The following PHKB variants were observed in gnomAD, a reference collection of about 807,000 sequenced individuals.
PHKB encodes phosphorylase b kinase regulatory subunit beta.
Under a neutral mutation model 152.1 loss-of-function variants are expected in PHKB, and 122 were observed. The ratio of observed to expected loss-of-function variants is 0.80; its 90% CI spans 0.69 to 0.93. The LOEUF is 0.93. Among genes scored for constraint, PHKB ranks in the 40% least tolerant of loss-of-function variants. The probability of loss-of-function intolerance (pLI) is 0.00; values close to 1 mark genes in which losing one functional copy is unlikely to be tolerated. For synonymous variants in PHKB, 436 were observed against 464.9 expected, an observed-to-expected ratio of 0.94 and a Z score of 0.80; for missense variants, 1,304 against 1,328.4, an observed-to-expected ratio of 0.98 and a Z score of 0.29.
At chr16:47,544,695 G>A (rs1010377121) in intron 6 of PHKB, among the ~76,000 whole-genome samples, 3 of 152,120 alleles carry the variant, frequency 2.0e-5, no homozygotes, top group Non-Finnish European at 4.4e-5. Context: ...GGGTGTTAAA[G>A]TCTCCCATTA....
At chr16:47,534,466 G>C (rs562862569) in intron 6 of PHKB, among the ~76,000 whole-genome samples, 27 of 152,268 alleles carry the variant, frequency 1.8e-4, no homozygotes, top group African/African-American at 6.5e-4. Flanking sequence ...TTGCAGCACT[G>C]TTGCATTAAA....
chr16:47,495,420 A>G (rs567763099), intron 1 of PHKB, among the ~76,000 whole-genome samples: 2 of 152,282 alleles, frequency 1.3e-5, no homozygotes, highest in African/African-American at 4.8e-5. Context: ...ATGGAATTAT[A>G]TACTCAGCTC....
intron 7 of PHKB, among the ~76,000 whole-genome samples, chr16:47,563,706 C>T (rs1465911346): frequency 1.3e-5 from 2 of 152,032 alleles, no homozygotes; most frequent in Non-Finnish European, 2.9e-5. Context: ...TTTTTGGTTA[C>T]ATGGATGAAT....
intron 6 of PHKB, among the ~76,000 whole-genome samples, chr16:47,546,622 A>G (rs1971170889): frequency 6.6e-6 from 1 of 152,192 alleles, no homozygotes; most frequent in Non-Finnish European, 1.5e-5. Flanking sequence ...GTGCTGGGAG[A>G]ACCACTGCCC....
Position 47,660,853 on chromosome 16 carries a change from T to C in PHKB, c.2196+34T>C, listed in dbSNP as rs565027314. 12 of 1,609,224 alleles carry C rather than the reference T, an allele frequency of 7.5e-6. No individual in the cohort carries two copies. The African/African-American group carries it at 1.6e-4, about 21-fold the overall frequency. The stretch of plus-strand genomic sequence containing the variant: ...GATGCACTTCCCACATGGCCCTAAG[T>C]GAGGTTGCTGGAGCAGAAGCTCCCA... On this transcript the variant is annotated intron_variant, in intron 22 of 30. Coordinates refer to ENST00000323584, the MANE Select transcript of PHKB (RefSeq NM_000293.3).
chr16:47,502,296 A>T (rs1970336578), intron 3 of PHKB, among the ~76,000 whole-genome samples: 1 of 152,202 alleles, frequency 6.6e-6, no homozygotes, highest in African/African-American at 2.4e-5. Flanking sequence ...CAGAAGGAAC[A>T]TCTTAACCAA....
Position 47,650,926 on chromosome 16 carries a change from C to G in PHKB, c.1971+5C>G. The G allele has an allele frequency of 6.3e-7, 1 of 1,594,912 alleles. No homozygotes were observed. Among genetic ancestry groups the G allele is most frequent in the Non-Finnish European group, 8.6e-7 (1 of 1,162,516 alleles). ...GTTCATGTGGATCGTCTACAGGTAG[C>G]CTTCTGATTTTCAGTATGCATCTAT... On this transcript the variant is annotated splice_donor_5th_base_variant and intron_variant, in intron 20 of 30. Coordinates refer to ENST00000323584, the MANE Select transcript of PHKB (RefSeq NM_000293.3).
At chr16:47,601,786 C>T (rs908572134) in intron 13 of PHKB, among the ~76,000 whole-genome samples, 1 of 152,018 alleles carries the variant, frequency 6.6e-6, no homozygotes, top group African/African-American at 2.4e-5. Flanking sequence ...GTACATCAGA[C>T]ATTCATAGTG....
At chr16:47,621,876 A>G (rs925644503) in intron 14 of PHKB, among the ~76,000 whole-genome samples, 6 of 152,174 alleles carry the variant, frequency 3.9e-5, no homozygotes, top group African/African-American at 1.2e-4. Context: ...TTAAAATTCA[A>G]TGCCTTGATA....
At chr16:47,613,914 C>A (rs1972471945) in intron 14 of PHKB, among the ~76,000 whole-genome samples, 1 of 152,146 alleles carries the variant, frequency 6.6e-6, no homozygotes, top group South Asian at 2.1e-4. Context: ...CCATGAGATT[C>A]ATCCAAGTTG....
intron 1 of PHKB, among the ~76,000 whole-genome samples, chr16:47,495,208 GA>G (rs1403026694): frequency 7.1e-6 from 1 of 140,262 alleles, no homozygotes; most frequent in Non-Finnish European, 1.5e-5. Context: ...TTTTTTTTAA[GA>G]AAAATTAGAT....
chr16:47,630,139 C>G (rs1478430091), intron 14 of PHKB, among the ~76,000 whole-genome samples: 3 of 152,046 alleles, frequency 2.0e-5, no homozygotes, highest in African/African-American at 4.8e-5. Flanking sequence ...CTAACCTGCA[C>G]ATTGTGCACA....
At chr16:47,641,572 G>T in intron 15 of PHKB, 27 bp from the exon 16 acceptor site, 6 of 1,149,116 alleles carry the variant, frequency 5.2e-6, no homozygotes, top group Non-Finnish European at 6.6e-6. Context: ...GTCTTAAAAC[G>T]TCTCTTTTTA....
intron 5 of PHKB, 39 bp downstream of exon 5, chr16:47,511,811 A>AT (rs746407969): frequency 7.7e-7 from 1 of 1,294,268 alleles, no homozygotes; most frequent in Non-Finnish European, 1.1e-6. Flanking sequence ...CTTATATTAT[A>AT]TAGCATAGAA....
chr16:47,660,695 C>T lies in PHKB; in HGVS notation c.2072C>T (p.Pro691Leu). The T allele has an allele frequency of 1.2e-6, 2 of 1,614,076 alleles. No individual in the cohort carries two copies. The highest frequency in any genetic ancestry group is 1.7e-6 in the Non-Finnish European group (2 of 1,179,990). The change falls in exon 22 of 31, where the codon CCC becomes CTC. Residue 691 changes from proline (P) to leucine (L), a missense_variant. Transcript: ENST00000323584. Reference protein sequence around the residue: ...EFKSFEELEPPKHSKVKRQSS... With the variant: ...EFKSFEELEPLKHSKVKRQSS... The stretch of plus-strand genomic sequence containing the variant: ...AAGAGTTTTGAGGAACTAGAACCTC[C>T]CAAACATTCAAAAGTCAAACGGCAA...
chr16:47,526,341 C>T (rs1300684771), intron 6 of PHKB, among the ~76,000 whole-genome samples: 1 of 151,814 alleles, frequency 6.6e-6, no homozygotes, highest in Non-Finnish European at 1.5e-5. Flanking sequence ...ATCCGAGAGG[C>T]AGAGTTTGCA....
intron 1 of PHKB, among the ~76,000 whole-genome samples, chr16:47,468,389 C>T (rs756786212): frequency 6.6e-6 from 1 of 152,250 alleles, no homozygotes; most frequent in Non-Finnish European, 1.5e-5. Flanking sequence ...CCCAGGCTCA[C>T]GCCTATAATC....
intron 7 of PHKB, chr16:47,566,602 A>G: frequency 7.0e-7 from 1 of 1,421,018 alleles, no homozygotes; most frequent in Non-Finnish European, 9.9e-7. Flanking sequence ...TTCCCTAGAA[A>G]AGCAATGTAG....
intron 1 of PHKB, among the ~76,000 whole-genome samples, chr16:47,468,207 G>C (rs1969703099): frequency 6.6e-6 from 1 of 151,962 alleles, no homozygotes; most frequent in Admixed American, 6.5e-5. Context: ...TTTATCTCTG[G>C]TCCACACTAC....
Sources: allele counts gnomAD v4.1 joint callset (sites outside exome capture counted in the v4.1 genomes callset), GRCh38; gene constraint gnomAD v4.1.1; transcripts MANE v1.5; gene names NCBI Gene and HGNC (gene_info 2026-07-23, HGNC 2026-07-21).